Variants in AMZ1 observed in about 807,000 individuals in gnomAD.
AMZ1 encodes archaelysin family metallopeptidase 1.
A neutral mutation model predicts 29.9 loss-of-function variants in AMZ1; 39 were observed. The observed-to-expected ratio is 1.30, with a 90% CI of 1.01 to 1.70. The LOEUF (loss-of-function observed/expected upper bound fraction) is 1.70, where lower values mean the gene tolerates loss of function less well. Among genes scored for constraint, AMZ1 ranks in the 40% most tolerant of loss-of-function variants. The probability of loss-of-function intolerance (pLI) is 0.00; values close to 1 mark genes in which losing one functional copy is unlikely to be tolerated. For synonymous variants in AMZ1, 458 were observed against 304.0 expected, an observed-to-expected ratio of 1.51 and a Z score of -5.27; for missense variants, 1,041 against 680.6, an observed-to-expected ratio of 1.53 and a Z score of -5.89.
chr7:2,735,568 G>C (rs1370505117), intron 4 of AMZ1, among the ~76,000 whole-genome samples: 1 of 152,164 alleles, frequency 6.6e-6, no homozygotes, highest in East Asian at 1.9e-4. Context: ...CCCTCGGTGT[G>C]AGTCTAAACA....
upstream of AMZ1, chr7:2,762,916 C>T: frequency 7.1e-7 from 1 of 1,411,166 alleles, no homozygotes; most frequent in Non-Finnish European, 9.3e-7. Flanking sequence ...GAAGAGGCCA[C>T]AGGCGGGGAC....
downstream of AMZ1, among the ~76,000 whole-genome samples, chr7:2,722,916 C>T (rs1279466810): frequency 6.6e-6 from 1 of 152,078 alleles, no homozygotes; most frequent in Non-Finnish European, 1.5e-5. Context: ...AGTTTTGAGG[C>T]TGCGATGAGC....
At chr7:2,706,801 G>C (rs1788378748) in intron 3 of AMZ1, among the ~76,000 whole-genome samples, 1 of 146,804 alleles carries the variant, frequency 6.8e-6, no homozygotes, top group African/African-American at 2.8e-5. Flanking sequence ...GGGGGACATA[G>C]CCTGATCCAC....
rs1350159802 is a variant in AMZ1, at chr7:2,719,399, C to A, written c.*6521C>A. Among the ~76,000 whole-genome samples, 1 of 152,206 alleles carries A rather than the reference C, an allele frequency of 6.6e-6. No homozygotes were observed. The highest frequency in any genetic ancestry group is 2.4e-5 in the African/African-American group (1 of 41,452). On this transcript the variant is annotated 3_prime_UTR_variant, in exon 7 of 7. Coordinates refer to ENST00000683327, the MANE Select transcript of AMZ1 (RefSeq NM_001384743.1). ...CCTGGCAGAGCTCCCTCCTCTGCTCCAACAGCAGAGCCCAGAGCATCCCTT... is the reference window on the plus strand; with the variant it reads ...CCTGGCAGAGCTCCCTCCTCTGCTCAAACAGCAGAGCCCAGAGCATCCCTT...
chr7:2,710,008 T>C (rs1310095861), intron 6 of AMZ1, among the ~76,000 whole-genome samples, 192 bp downstream of exon 6: 1 of 152,088 alleles, frequency 6.6e-6, no homozygotes, highest in Non-Finnish European at 1.5e-5. Context: ...GTAGATCGAG[T>C]CCTGCCAGGG....
chr7:2,734,260 G>C (rs1358295761), intron 4 of AMZ1, among the ~76,000 whole-genome samples: 2 of 152,206 alleles, frequency 1.3e-5, no homozygotes, highest in Non-Finnish European at 1.5e-5. Flanking sequence ...ACCGACCACA[G>C]AGCAGCCCGC....
chr7:2,699,200 A>G (rs1207737405), intron 1 of AMZ1, among the ~76,000 whole-genome samples: 1 of 152,080 alleles, frequency 6.6e-6, no homozygotes, highest in Middle Eastern at 3.2e-3. Context: ...ACAGTCTCTG[A>G]ACAGAGACAT....
upstream of AMZ1, among the ~76,000 whole-genome samples, chr7:2,684,956 G>A (rs928710940): frequency 1.4e-5 from 2 of 146,914 alleles, no homozygotes; most frequent in South Asian, 2.2e-4. Flanking sequence ...TGCAAGCTCC[G>A]CCTCCCAGGT....
downstream of AMZ1, among the ~76,000 whole-genome samples, chr7:2,720,151 G>A (rs537081376): frequency 1.1e-4 from 16 of 152,124 alleles, no homozygotes; most frequent in African/African-American, 2.2e-4. Context: ...AGAGCTTTCC[G>A]TGCAAAGCGC....
chr7:2,706,980 AAAAC>A (rs1055728132), intron 3 of AMZ1, among the ~76,000 whole-genome samples: 1 of 152,180 alleles, frequency 6.6e-6, no homozygotes, highest in African/African-American at 2.4e-5. Flanking sequence ...TGTTATCTCA[AAAAC>A]AAACACAGGG....
chr7:2,727,803 T>G (rs1048684007), intron 4 of AMZ1, among the ~76,000 whole-genome samples: 1 of 151,712 alleles, frequency 6.6e-6, no homozygotes, highest in African/African-American at 2.4e-5. Flanking sequence ...ATCCCAGCAC[T>G]GTGGGAGGCT....
At chr7:2,762,603 C>A, upstream of AMZ1, 1 of 1,522,444 alleles carries the variant, frequency 6.6e-7, no homozygotes. Context: ...CAAAAAAGGA[C>A]AATCCCCTTC....
At chr7:2,707,593 G>T (rs1251069186) in intron 3 of AMZ1, among the ~76,000 whole-genome samples, 1 of 152,038 alleles carries the variant, frequency 6.6e-6, no homozygotes, top group African/African-American at 2.4e-5. Flanking sequence ...TGCTAGCTTG[G>T]ATGACCCACT....
rs370233879 is a variant in AMZ1, at chr7:2,712,772, G to A, written c.1391G>A (p.Arg464His). ...AGCAGCAGGGACAGCGTGGGGCTGC[G>A]CAAGGTGCTGGGGGACAAGTTCTCC... ...PPSSRDSVGLRKVLGDKFSSL... is the reference protein window; with the variant it reads ...PPSSRDSVGLHKVLGDKFSSL... Residue 464 changes from arginine (R) to histidine (H), a missense_variant, in exon 7 of 7, where the codon CGC (arginine) becomes CAC (histidine). Transcript: ENST00000683327. The A allele has an allele frequency of 1.3e-4, 208 of 1,589,980 alleles. No individual in the cohort carries two copies. Among genetic ancestry groups the A allele is most frequent in the East Asian group, 2.2e-4 (10 of 44,648 alleles).
chr7:2,764,391 T>G (rs141064819), upstream of AMZ1, among the ~76,000 whole-genome samples: 105 of 152,210 alleles, frequency 6.9e-4, 3 homozygotes, highest in East Asian at 0.016. Flanking sequence ...GCAGTCTGGT[T>G]TATTATTCAC....
rs909679580 is a variant in AMZ1 at position 2,718,581 on chromosome 7, C to T, written c.*5703C>T. Among the ~76,000 whole-genome samples, 22 of 152,342 alleles carry T rather than the reference C, an allele frequency of 1.4e-4. No individual in the cohort carries two copies. The highest frequency in any genetic ancestry group is 2.1e-4 in the Non-Finnish European group (14 of 68,026). ...GGTGATGAGCGCGGCTGACGGCTCC[C>T]GGGGGCAGTGTGGGGTCCAGTCTGA... On this transcript the variant is annotated 3_prime_UTR_variant, in exon 7 of 7. Transcript: ENST00000683327.
At chr7:2,699,655 T>G (rs948487286) in intron 1 of AMZ1, among the ~76,000 whole-genome samples, 1 of 152,098 alleles carries the variant, frequency 6.6e-6, no homozygotes, top group African/African-American at 2.4e-5. Flanking sequence ...ATAGGGGCTC[T>G]GGGTGAGGAG....
chr7:2,706,403 A>C (rs1040539537), intron 3 of AMZ1, among the ~76,000 whole-genome samples: 2 of 152,152 alleles, frequency 1.3e-5, no homozygotes, highest in African/African-American at 4.8e-5. Context: ...GGATCACTGT[A>C]CTGGTTTCCT....
downstream of AMZ1, among the ~76,000 whole-genome samples, chr7:2,719,938 C>T (rs1327477869): frequency 6.6e-6 from 1 of 152,178 alleles, no homozygotes. Context: ...GCCTTGGCCT[C>T]CCAAAGTGCC....
Sources: gnomAD v4.1 joint callset for allele counts (sites outside exome capture counted in the v4.1 genomes callset) on GRCh38, gnomAD v4.1.1 for gene constraint, MANE v1.5 for transcripts, NCBI Gene and HGNC (gene_info 2026-07-23, HGNC 2026-07-21) for gene names.